PCCA: variants seen among roughly 807,000 people sequenced by gnomAD.
PCCA encodes propionyl-CoA carboxylase alpha chain, mitochondrial.
In PCCA, 74 loss-of-function variants were observed where a neutral mutation model predicts 101.3. The ratio of observed to expected loss-of-function variants is 0.73; its 90% CI spans 0.61 to 0.89. The LOEUF (loss-of-function observed/expected upper bound fraction) is 0.89, where lower values mean the gene tolerates loss of function less well. PCCA is among the 40% of genes least tolerant of loss of function. PCCA has a pLI of 0.00. For missense variants in PCCA, 891 were observed against 907.0 expected (o/e 0.98, Z 0.23); for synonymous variants, 294 against 313.6 (o/e 0.94, Z 0.66).
chr13:100,476,915 C>A (rs1417213618), intron 21 of PCCA, among the ~76,000 whole-genome samples: 1 of 152,172 alleles, frequency 6.6e-6, no homozygotes, highest in African/African-American at 2.4e-5. Flanking sequence ...GACTCTGAAG[C>A]TCGTCACTTT....
intron 9 of PCCA, among the ~76,000 whole-genome samples, chr13:100,262,208 C>A (rs193053509): frequency 1.3e-5 from 2 of 151,894 alleles, no homozygotes; most frequent in African/African-American, 4.8e-5. Context: ...TCCTGGCCAA[C>A]GTGTTGAAAC....
At chr13:100,422,838 A>T (rs2078916735) in intron 19 of PCCA, among the ~76,000 whole-genome samples, 1 of 149,938 alleles carries the variant, frequency 6.7e-6, no homozygotes, top group African/African-American at 2.5e-5. Context: ...CTCTTCTTTG[A>T]ACCTTTGTTT....
intron 12 of PCCA, among the ~76,000 whole-genome samples, chr13:100,295,784 A>G (rs757843498): frequency 4.6e-5 from 7 of 152,202 alleles, no homozygotes; most frequent in African/African-American, 7.2e-5. Context: ...AGCACTGTTG[A>G]AGGAATTTTA....
At chr13:100,424,007 T>G (rs2078986407) in intron 19 of PCCA, among the ~76,000 whole-genome samples, 1 of 152,268 alleles carries the variant, frequency 6.6e-6, no homozygotes, top group South Asian at 2.1e-4. Context: ...AGTCGGCCCA[T>G]GGGCTCTGCA....
chr13:100,118,565 T>C (rs1752811917), intron 4 of PCCA, among the ~76,000 whole-genome samples: 2 of 152,206 alleles, frequency 1.3e-5, no homozygotes, highest in Admixed American at 6.5e-5. Context: ...TTTTCTTTTT[T>C]TTGTGACAGA....
intron 6 of PCCA, among the ~76,000 whole-genome samples, chr13:100,205,496 A>G (rs1315828444): frequency 2.8e-5 from 4 of 141,452 alleles, no homozygotes; most frequent in Middle Eastern, 7.2e-3. Flanking sequence ...TTTCTTTTGT[A>G]TTGGGTGGGA....
intron 19 of PCCA, among the ~76,000 whole-genome samples, chr13:100,410,973 G>A (rs1261972835): frequency 6.6e-6 from 1 of 152,162 alleles, no homozygotes; most frequent in East Asian, 1.9e-4. Flanking sequence ...GCCAGATAAT[G>A]TGAGGCAGTT....
intron 12 of PCCA, among the ~76,000 whole-genome samples, chr13:100,286,111 G>T (rs987866026): frequency 1.3e-5 from 2 of 152,146 alleles, no homozygotes; most frequent in East Asian, 3.9e-4. Context: ...CATTAACTAC[G>T]CTGCCTCATG....
chr13:100,426,472 TG>T (rs1448171856), intron 20 of PCCA, among the ~76,000 whole-genome samples: 2 of 152,200 alleles, frequency 1.3e-5, no homozygotes, highest in African/African-American at 4.8e-5. Context: ...CATCTTAACT[TG>T]ATTTTACACA....
chr13:100,171,535 G>A (rs1400401082), intron 6 of PCCA, among the ~76,000 whole-genome samples: 1 of 152,104 alleles, frequency 6.6e-6, no homozygotes, highest in Non-Finnish European at 1.5e-5. Flanking sequence ...GTCAAGTCAA[G>A]GACTTTTACT....
At chr13:100,490,534 G>C (rs1447843827) in intron 21 of PCCA, 1 of 152,358 alleles carries the variant, frequency 6.6e-6, no homozygotes, top group East Asian at 1.9e-4. Flanking sequence ...CTATGAGCAA[G>C]GCACTTTTCT....
intron 7 of PCCA, among the ~76,000 whole-genome samples, chr13:100,231,664 A>G (rs567189204): frequency 1.2e-4 from 18 of 152,312 alleles, no homozygotes; most frequent in Middle Eastern, 3.4e-3. Flanking sequence ...AAAAAGTTCA[A>G]CGTGTACCTA....
chr13:100,141,659 C>G (rs997799144), intron 4 of PCCA, among the ~76,000 whole-genome samples: 6 of 152,278 alleles, frequency 3.9e-5, no homozygotes, highest in Non-Finnish European at 8.8e-5. Context: ...GTGATCTGCC[C>G]GCCTTGGCCT....
At chr13:100,288,109 T>G (rs2064832293) in intron 12 of PCCA, among the ~76,000 whole-genome samples, 1 of 152,158 alleles carries the variant, frequency 6.6e-6, no homozygotes, top group African/African-American at 2.4e-5. Flanking sequence ...TAGACGGAGT[T>G]TTTATCATAA....
intron 20 of PCCA, among the ~76,000 whole-genome samples, chr13:100,433,035 C>T (rs2079666583): frequency 6.6e-6 from 1 of 152,178 alleles, no homozygotes; most frequent in Non-Finnish European, 1.5e-5. Flanking sequence ...TTTATCCATT[C>T]CTCTGTCAAC....
chr13:100,426,509 A>T (rs2079156557), intron 20 of PCCA, among the ~76,000 whole-genome samples: 1 of 152,184 alleles, frequency 6.6e-6, no homozygotes, highest in Non-Finnish European at 1.5e-5. Context: ...AAACCTTGAG[A>T]AATCAGGATA....
intron 7 of PCCA, among the ~76,000 whole-genome samples, chr13:100,225,209 A>G (rs1160814774): frequency 6.6e-6 from 1 of 152,198 alleles, no homozygotes; most frequent in Non-Finnish European, 1.5e-5. Flanking sequence ...GTTGAGAAAG[A>G]TAGTGGAAGT....
chr13:100,095,763 G>A (rs867794808), intron 1 of PCCA, among the ~76,000 whole-genome samples: 2 of 152,264 alleles, frequency 1.3e-5, no homozygotes, highest in Middle Eastern at 3.4e-3. Context: ...AGATGAGGGA[G>A]GAGGAGTGGG....
At chr13:100,109,629 G>A (rs1056288552) in intron 2 of PCCA, among the ~76,000 whole-genome samples, 2 of 152,182 alleles carry the variant, frequency 1.3e-5, no homozygotes, top group African/African-American at 4.8e-5. Flanking sequence ...TTTAAATACA[G>A]AAAAGTAGAT....
Sources: allele counts gnomAD v4.1 joint callset (sites outside exome capture counted in the v4.1 genomes callset), GRCh38; gene constraint gnomAD v4.1.1; transcripts MANE v1.5; gene names NCBI Gene and HGNC (gene_info 2026-07-23, HGNC 2026-07-21).